The following THNSL1 variants were observed in gnomAD, a reference collection of about 807,000 sequenced individuals.
THNSL1 encodes the protein threonine synthase-like 1.
A neutral mutation model predicts 50.4 loss-of-function variants in THNSL1; 48 were observed. The ratio of observed to expected loss-of-function variants is 0.95; its 90% CI spans 0.76 to 1.21. The LOEUF (loss-of-function observed/expected upper bound fraction) is 1.21. THNSL1 is among the 50% of genes most tolerant of loss of function. THNSL1 has a pLI of 0.00. For missense variants in THNSL1, 896 were observed against 871.7 expected (o/e 1.03, Z -0.35); for synonymous variants, 309 against 306.1 (o/e 1.01, Z -0.10).
At chr10:25,019,816 C>T (rs1486559683) in intron 1 of THNSL1, among the ~76,000 whole-genome samples, 3 of 152,130 alleles carry the variant, frequency 2.0e-5, no homozygotes, top group African/African-American at 4.8e-5. Flanking sequence ...AGAAATTTCC[C>T]TCTATTCAAC....
intron 1 of THNSL1, among the ~76,000 whole-genome samples, chr10:25,020,902 T>G (rs1850706426): frequency 6.6e-6 from 1 of 152,182 alleles, no homozygotes; most frequent in Non-Finnish European, 1.5e-5. Flanking sequence ...TCAGACTGTT[T>G]TATGTAAGTG....
At chr10:24,988,588 G>A in the THNSL1 span, among the ~76,000 whole-genome samples, 1 of 145,314 alleles carries the variant, frequency 6.9e-6, no homozygotes. Context: ...AGTTTCATAA[G>A]GTTCCAATGC....
At chr10:24,959,718 T>C in the THNSL1 span, among the ~76,000 whole-genome samples, 1 of 152,144 alleles carries the variant, frequency 6.6e-6, no homozygotes, top group African/African-American at 2.4e-5. Context: ...TGGAAGGTGT[T>C]TTATAAGTGT....
the THNSL1 span, among the ~76,000 whole-genome samples, chr10:25,003,939 G>C: frequency 2.0e-5 from 3 of 152,150 alleles, no homozygotes; most frequent in Non-Finnish European, 2.9e-5. Context: ...TTGGTTTCAT[G>C]TTCCTGTGTT....
the THNSL1 span, among the ~76,000 whole-genome samples, chr10:25,002,864 A>G: frequency 6.6e-6 from 1 of 152,084 alleles, no homozygotes; most frequent in African/African-American, 2.4e-5. Context: ...TAAAATGCCC[A>G]CAGAAGTTGG....
the THNSL1 span, among the ~76,000 whole-genome samples, chr10:24,996,200 A>G: frequency 6.6e-6 from 1 of 152,240 alleles, no homozygotes; most frequent in Admixed American, 6.5e-5. Flanking sequence ...ACGTGGGCAG[A>G]TCGCTTGAGC....
At chr10:24,997,792 T>C in the THNSL1 span, among the ~76,000 whole-genome samples, 4 of 149,918 alleles carry the variant, frequency 2.7e-5, no homozygotes, top group African/African-American at 1.0e-4. Flanking sequence ...TTTTTTCTTA[T>C]TTGACACAAA....
rs1850821506 is a variant in THNSL1, at chr10:25,025,125, T to G, written c.1902T>G (p.Thr634=). The change falls in exon 3 of 3, where the codon ACT becomes ACG. Residue 634 remains threonine, a synonymous_variant. Transcript: ENST00000376356. ...CAGCTATTAACTCCACCTATAATACTTCAGGGTATATTTTGGATCCACACA... is the reference window on the plus strand; with the variant it reads ...CAGCTATTAACTCCACCTATAATACGTCAGGGTATATTTTGGATCCACACA... ...CLAAINSTYN[T]SGYILDPHTA... 6.2e-7 allele frequency: 1 copy of G among 1,614,016 alleles called. No individual in the cohort carries two copies. The highest frequency in any genetic ancestry group is 1.3e-5 in the African/African-American group (1 of 74,980).
intron 1 of THNSL1, among the ~76,000 whole-genome samples, chr10:25,017,048 CTTGGGCGGTCCTCCGGGTCGGCTCT>C (rs1850608726): frequency 6.6e-6 from 1 of 152,078 alleles, no homozygotes; most frequent in African/African-American, 2.4e-5. Flanking sequence ...GGGACCGCCC[CTTGGGCGGTCCTCCGGGTCGGCTCT>C]GCGCCTGCTC....
the THNSL1 span, among the ~76,000 whole-genome samples, chr10:24,964,768 A>G: frequency 6.6e-6 from 1 of 152,230 alleles, no homozygotes; most frequent in African/African-American, 2.4e-5. Flanking sequence ...TGCCTTTGAC[A>G]TAAAACTGTC....
In THNSL1 at chr10:25,024,754, T is replaced by G. The variant is rs2132763529; in HGVS notation, c.1531T>G (p.Phe511Val). The change falls in exon 3 of 3, where the codon TTT becomes GTT. Residue 511 changes from phenylalanine (F) to valine (V), a missense_variant. Phe to Val is a conservative substitution (Grantham distance 50). Transcript: ENST00000376356. The part of the protein sequence containing the change: ...PVDVCIPTGN[F>V]GNILAAVYAK... Reference sequence around the variant, plus strand: ...CGATGTCTGTATTCCCACAGGAAACTTTGGTAACATTTTAGCAGCAGTGTA... The same window carrying G: ...CGATGTCTGTATTCCCACAGGAAACGTTGGTAACATTTTAGCAGCAGTGTA... 6.2e-7 allele frequency: 1 copy of G among 1,614,184 alleles called. No homozygotes were observed. Among genetic ancestry groups the G allele is most frequent in the East Asian group, 2.2e-5 (1 of 44,878 alleles).
At chr10:25,006,767 C>T in the THNSL1 span, among the ~76,000 whole-genome samples, 1 of 152,148 alleles carries the variant, frequency 6.6e-6, no homozygotes, top group African/African-American at 2.4e-5. Context: ...GTTTGTTTTA[C>T]TGTCTCAGGC....
At chr10:24,952,462 C>T in the THNSL1 span, 2 of 1,506,466 alleles carry the variant, frequency 1.3e-6, no homozygotes. This position sits in a 1 kb window ranked among gnomAD's most constrained non-coding sequence, Gnocchi z 5.1. Context: ...AGCATTTAAT[C>T]TACAAGCAGG....
the THNSL1 span, among the ~76,000 whole-genome samples, chr10:24,998,484 T>C: frequency 6.6e-6 from 1 of 151,798 alleles, no homozygotes; most frequent in Non-Finnish European, 1.5e-5. Context: ...AAGCGATCCT[T>C]CCACATCAGC....
At chr10:24,963,874 T>C in the THNSL1 span, among the ~76,000 whole-genome samples, 1 of 152,176 alleles carries the variant, frequency 6.6e-6, no homozygotes, top group Non-Finnish European at 1.5e-5. Flanking sequence ...TCTCTATCCA[T>C]TGTGAAAAGC....
At chr10:24,991,056 C>T in the THNSL1 span, among the ~76,000 whole-genome samples, 1 of 152,146 alleles carries the variant, frequency 6.6e-6, no homozygotes, top group Non-Finnish European at 1.5e-5. Context: ...GCCAAGGTGC[C>T]ACTGCACTCC....
At chr10:25,020,329 CAA>C (rs950834599) in intron 1 of THNSL1, among the ~76,000 whole-genome samples, 1 of 151,148 alleles carries the variant, frequency 6.6e-6, no homozygotes, top group African/African-American at 2.4e-5. Context: ...AATTTAAAAA[CAA>C]GAGGGTAGAG....
the THNSL1 span, among the ~76,000 whole-genome samples, chr10:24,958,558 A>G: frequency 1.2e-4 from 18 of 152,370 alleles, no homozygotes; most frequent in Non-Finnish European, 1.8e-4. Context: ...GTATTCAATT[A>G]GCATAGTAAC....
the THNSL1 span, among the ~76,000 whole-genome samples, chr10:24,966,463 T>G: frequency 6.6e-6 from 1 of 152,194 alleles, no homozygotes; most frequent in Non-Finnish European, 1.5e-5. Context: ...CAGAAACACC[T>G]TTTCTCTGAG....
Sources: allele counts gnomAD v4.1 joint callset (sites outside exome capture counted in the v4.1 genomes callset), GRCh38; gene constraint gnomAD v4.1.1; non-coding constraint Gnocchi (gnomAD v3.1); transcripts MANE v1.5; gene names NCBI Gene and HGNC (gene_info 2026-07-23, HGNC 2026-07-21).